PAICS: variants seen among roughly 807,000 people sequenced by gnomAD.
PAICS encodes phosphoribosylaminoimidazole carboxylase and phosphoribosylaminoimidazolesuccinocarboxamide synthase, also known as bifunctional phosphoribosylaminoimidazole carboxylase/phosphoribosylaminoimidazole succinocarboxamide synthetase.
A neutral mutation model predicts 53.7 loss-of-function variants in PAICS; 33 were observed. That is an observed-to-expected ratio of 0.61 (90% CI 0.47 to 0.82). The LOEUF (loss-of-function observed/expected upper bound fraction) is 0.82, where lower values mean the gene tolerates loss of function less well. PAICS is among the 40% of genes least tolerant of loss of function. The pLI, the probability that PAICS is intolerant of heterozygous loss-of-function variation, is 0.00. For missense variants in PAICS, 394 were observed against 494.1 expected (o/e 0.80, Z 1.92); for synonymous variants, 141 against 167.2 (o/e 0.84, Z 1.21).
At chr4:56,422,574 C>T in the PAICS span, 37 of 148,562 alleles carry the variant, frequency 2.5e-4, no homozygotes, top group Non-Finnish European at 4.4e-4. Context: ...GAACTGTGTT[C>T]CTCCCACCAA....
At chr4:56,436,900 A>C (rs757014463) in intron 1 of PAICS, among the ~76,000 whole-genome samples, 3 of 152,184 alleles carry the variant, frequency 2.0e-5, no homozygotes, top group Non-Finnish European at 4.4e-5. Context: ...CAGGAGGCTG[A>C]GGTAGGAGAA....
chr4:56,451,618 G>A (rs765703454), intron 6 of PAICS, among the ~76,000 whole-genome samples: 3 of 152,104 alleles, frequency 2.0e-5, no homozygotes, highest in Non-Finnish European at 4.4e-5. Flanking sequence ...AAAAGATTTT[G>A]AGTATCTTTA....
rs1482054756 is a variant in PAICS at position 56,461,303 on chromosome 4, ACTT to A, written c.*1766_*1768del. 6.6e-6 allele frequency: 1 copy of A among 152,318 alleles called. No individual in the cohort carries two copies. The highest frequency in any genetic ancestry group is 1.9e-4 in the East Asian group (1 of 5,178). 9.4% of individuals were successfully genotyped at this position (152,318 alleles called of 1,614,324 possible). A position where few individuals can be genotyped will look rare whatever the true frequency, so the allele number is the denominator to read the frequency against. On this transcript the variant is annotated 3_prime_UTR_variant, in exon 9 of 9. Coordinates refer to ENST00000512576, the MANE Select transcript of PAICS (RefSeq NM_001079524.2). ...GTAAATTATAAAACTCATGTGTACT[ACTT>A]AAGTTTATATCTTATGCTAGTTTAT...
At chr4:56,434,632 A>G (rs1427378439), upstream of PAICS, among the ~76,000 whole-genome samples, 2 of 152,090 alleles carry the variant, frequency 1.3e-5, no homozygotes. Context: ...TGAAGAAGGG[A>G]GTTAATTTTT....
At chr4:56,455,416 C>T (rs1400254331) in intron 8 of PAICS, among the ~76,000 whole-genome samples, 1 of 152,150 alleles carries the variant, frequency 6.6e-6, no homozygotes, top group African/African-American at 2.4e-5. Flanking sequence ...GTCCAGTGGA[C>T]TGGCTTCTCT....
chr4:56,438,824 G>A (rs941454904), intron 1 of PAICS, among the ~76,000 whole-genome samples: 1 of 151,958 alleles, frequency 6.6e-6, no homozygotes, highest in African/African-American at 2.4e-5. Flanking sequence ...TTTTTATATC[G>A]AATGCAGTAT....
the PAICS span, among the ~76,000 whole-genome samples, chr4:56,417,835 G>GTTTTTTTTTTTTTTTTTTT: frequency 6.1e-4 from 63 of 102,536 alleles, no homozygotes; most frequent in African/African-American, 2.2e-3. Flanking sequence ...TGAAGATTTG[G>GTTTTTTTTTTTTTTTTTTT]TTTTTTGTTT....
At chr4:56,434,388 T>C (rs1717781660), upstream of PAICS, among the ~76,000 whole-genome samples, 1 of 152,248 alleles carries the variant, frequency 6.6e-6, no homozygotes, top group Admixed American at 6.5e-5. Flanking sequence ...TGTAAGTTGT[T>C]ACCACTGTAT....
the PAICS span, chr4:56,428,918 T>G: frequency 1.2e-6 from 1 of 826,884 alleles, no homozygotes; most frequent in Non-Finnish European, 1.5e-6. Flanking sequence ...ATAATGATTC[T>G]TTTCCTGTGT....
At chr4:56,434,803 C>G (rs370028662), upstream of PAICS, among the ~76,000 whole-genome samples, 4 of 152,356 alleles carry the variant, frequency 2.6e-5, no homozygotes, top group South Asian at 6.2e-4. Flanking sequence ...TTCCCTGGGT[C>G]TGAAGTCTAG....
chr4:56,420,365 G>A, the PAICS span: 1 of 152,230 alleles, frequency 6.6e-6, no homozygotes, highest in South Asian at 2.1e-4. Flanking sequence ...CATCATGTTG[G>A]TGCTCAAAAA....
chr4:56,435,466 C>T, upstream of PAICS: 4 of 1,613,712 alleles, frequency 2.5e-6, no homozygotes, highest in East Asian at 2.2e-5. Flanking sequence ...TCCCCAACTC[C>T]TCCAGCTCCA....
In PAICS at chr4:56,452,176, T is replaced by C. The variant is rs114760085; in HGVS notation, c.952+124T>C. 2.4e-3 allele frequency: 1,563 copies of C among 638,424 alleles called. 25 individuals carry two copies. In the African/African-American group the frequency reaches 0.026, roughly 11 times the overall value. 39.5% of individuals were successfully genotyped at this position (638,424 alleles called of 1,614,324 possible). On this transcript the variant is annotated intron_variant, in intron 7 of 8. Transcript: ENST00000512576. Reference sequence around the variant, plus strand: ...TTTTCTAAGGGAAAAACACATGATATACTAGGCTTTCTTTTTTTTTGAGAT... The same window carrying C: ...TTTTCTAAGGGAAAAACACATGATACACTAGGCTTTCTTTTTTTTTGAGAT...
chr4:56,420,189 G>A, the PAICS span: 4 of 168,440 alleles, frequency 2.4e-5, no homozygotes, highest in African/African-American at 9.6e-5. Context: ...TATACATAGT[G>A]AGGTATCTTA....
rs1719439829 is a variant in PAICS, at chr4:56,460,270, TC to T, written c.*733del. On this transcript the variant is annotated 3_prime_UTR_variant, in exon 9 of 9. Transcript: ENST00000512576. Reference sequence around the variant, plus strand: ...AACAGAATGCTCCCAACTTTATTCATCTTCCAAGCCTGTAGCTCTTGGTATA... The same window carrying T: ...AACAGAATGCTCCCAACTTTATTCATTTCCAAGCCTGTAGCTCTTGGTATA... The T allele has an allele frequency of 6.6e-6, 1 of 152,228 alleles. No homozygotes were observed. Among genetic ancestry groups the T allele is most frequent in the Non-Finnish European group, 1.5e-5 (1 of 68,054 alleles). 9.4% of individuals were successfully genotyped at this position (152,228 alleles called of 1,614,324 possible).
the PAICS span, chr4:56,429,018 G>T: frequency 5.4e-6 from 5 of 927,896 alleles, no homozygotes; most frequent in Non-Finnish European, 6.4e-6. Flanking sequence ...AAGAGCCAGA[G>T]AAATAACAAG....
At chr4:56,444,198 T>C (rs1443099769) in intron 2 of PAICS, among the ~76,000 whole-genome samples, 1 of 152,208 alleles carries the variant, frequency 6.6e-6, no homozygotes, top group East Asian at 1.9e-4. Flanking sequence ...ATCAGGATTC[T>C]ACTTTTCTCA....
chr4:56,435,996 TG>T, upstream of PAICS: 1 of 1,521,278 alleles, frequency 6.6e-7, no homozygotes, highest in Admixed American at 1.7e-5. Flanking sequence ...TTCCGCAGAG[TG>T]GGGAGGGGCC....
chr4:56,435,547 T>A (rs1717863578), upstream of PAICS: 1 of 1,607,826 alleles, frequency 6.2e-7, no homozygotes, highest in Admixed American at 1.7e-5. Flanking sequence ...AGCTGCCAGC[T>A]CGGCCCGTCG....
Sources: gnomAD v4.1 joint callset for allele counts (sites outside exome capture counted in the v4.1 genomes callset) on GRCh38, gnomAD v4.1.1 for gene constraint, MANE v1.5 for transcripts, NCBI Gene and HGNC (gene_info 2026-07-23, HGNC 2026-07-21) for gene names.